FGFR1: variants seen among roughly 807,000 people sequenced by gnomAD.
FGFR1 encodes the protein fibroblast growth factor receptor 1.
Under a neutral mutation model 93.7 loss-of-function variants are expected in FGFR1, and 18 were observed. That is an observed-to-expected ratio of 0.19 (90% confidence interval 0.13 to 0.28). The LOEUF (loss-of-function observed/expected upper bound fraction) is 0.28. Among genes scored for constraint, FGFR1 ranks in the 10% least tolerant of loss-of-function variants. FGFR1 has a pLI of 1.00. For synonymous variants in FGFR1, 448 were observed against 429.3 expected (o/e 1.04, Z -0.54); for missense variants, 731 against 1,080.4 (o/e 0.68, Z 4.53).
At chr8:38,455,967 C>CAG (rs2151321098) in intron 2 of FGFR1, among the ~76,000 whole-genome samples, 1 of 152,318 alleles carries the variant, frequency 6.6e-6, no homozygotes. Context: ...CACCGTGCTC[C>CAG]AGCTCAGACC....
chr8:38,456,720 A>G (rs1193531326), intron 2 of FGFR1, among the ~76,000 whole-genome samples: 1 of 152,066 alleles, frequency 6.6e-6, no homozygotes, highest in Admixed American at 6.6e-5. Flanking sequence ...AGCAGCGTGC[A>G]CCATCACACC....
At chr8:38,445,447 C>T (rs6474354) in intron 2 of FGFR1, among the ~76,000 whole-genome samples, 34,345 of 152,054 alleles carry the variant, frequency 0.23, 4,064 homozygotes, top group African/African-American at 0.28. Flanking sequence ...TTTAAATGCA[C>T]TGGGAGTTTG....
chr8:38,458,630 C>T (rs1414707766), intron 1 of FGFR1, among the ~76,000 whole-genome samples: 8 of 152,070 alleles, frequency 5.3e-5, no homozygotes, highest in South Asian at 2.1e-4. Context: ...TGAAGAATCA[C>T]GGAACAAGCT....
intron 5 of FGFR1, among the ~76,000 whole-genome samples, chr8:38,427,016 A>G (rs1391459288): frequency 6.6e-6 from 1 of 151,814 alleles, no homozygotes; most frequent in Non-Finnish European, 1.5e-5. Flanking sequence ...CTGAGGCAGG[A>G]GAATGGCATG....
intron 2 of FGFR1, among the ~76,000 whole-genome samples, chr8:38,448,775 C>T (rs538384572): frequency 6.6e-6 from 1 of 151,898 alleles, no homozygotes; most frequent in Admixed American, 6.6e-5. Context: ...GCCAACATGG[C>T]GAAAACCTGT....
rs946369734 is a variant in FGFR1, at chr8:38,423,261, C to G, written c.936+1248G>C. The stretch of plus-strand genomic sequence containing the variant: ...TGCTCCCGTGTAACTTTCAGGCAGG[C>G]CCAGGGAGCGAAGGGAGATGTTAAG... On this transcript the variant is annotated intron_variant, in intron 7 of 17. Coordinates refer to ENST00000447712, the MANE Select transcript of FGFR1 (RefSeq NM_023110.3). 7 of 735,808 alleles carry G rather than the reference C, an allele frequency of 9.5e-6. No individual in the cohort carries two copies. In the African/African-American group the frequency reaches 1.2e-4, roughly 13 times the overall value. The allele number at this position is 735,808 out of a possible 1,614,324, so 45.6% of individuals were successfully genotyped here.
intron 2 of FGFR1, among the ~76,000 whole-genome samples, chr8:38,439,599 CCT>C (rs1444108644): frequency 2.0e-5 from 3 of 152,180 alleles, no homozygotes; most frequent in Non-Finnish European, 2.9e-5. Context: ...TGGTCTGGAG[CCT>C]CTCAACCACG....
chr8:38,449,937 T>C (rs944324093), intron 2 of FGFR1, among the ~76,000 whole-genome samples: 1 of 152,212 alleles, frequency 6.6e-6, no homozygotes, highest in Non-Finnish European at 1.5e-5. Context: ...TCAATGTCTC[T>C]TGGTGCCACA....
chr8:38,445,623 C>T (rs1322330646), intron 2 of FGFR1, among the ~76,000 whole-genome samples: 1 of 152,108 alleles, frequency 6.6e-6, no homozygotes, highest in East Asian at 1.9e-4. Context: ...ACTGCAACCT[C>T]CGCCTCCTGG....
intron 2 of FGFR1, among the ~76,000 whole-genome samples, chr8:38,442,150 G>T (rs148795575): frequency 6.6e-6 from 1 of 152,176 alleles, no homozygotes; most frequent in Non-Finnish European, 1.5e-5. Flanking sequence ...GCATCTGCAC[G>T]ATAATAGAAA....
chr8:38,447,098 A>AACACACACACACACAC (rs57917657), intron 2 of FGFR1, among the ~76,000 whole-genome samples: 1 of 133,268 alleles, frequency 7.5e-6, no homozygotes, highest in Non-Finnish European at 1.6e-5. Flanking sequence ...ACTGCAAGCA[A>AACACACACACACACAC]ACACACACAC....
At chr8:38,415,803 G>T (rs1816320183) in intron 13 of FGFR1, 67 bp downstream of exon 13, 1 of 1,493,902 alleles carries the variant, frequency 6.7e-7, no homozygotes, top group Non-Finnish European at 9.3e-7. Context: ...ATAAGTCACA[G>T]GCTGGAAGAC....
chr8:38,461,013 C>A, intron 1 of FGFR1: 1 of 1,501,632 alleles, frequency 6.7e-7, no homozygotes, highest in Non-Finnish European at 9.0e-7. Flanking sequence ...GGGATTCATG[C>A]CTGCATGCAG....
chr8:38,430,542 C>CT (rs1822613579), intron 2 of FGFR1: 1 of 153,796 alleles, frequency 6.5e-6, no homozygotes, highest in African/African-American at 2.4e-5. Context: ...GATGCACATG[C>CT]TGGGGGGGCA....
rs1181847676 is a variant in FGFR1 at position 38,429,922 on chromosome 8, C to T, written c.118G>A (p.Val40Met). 2 of 1,612,614 alleles carry T rather than the reference C, an allele frequency of 1.2e-6. No individual in the cohort carries two copies. Among genetic ancestry groups the T allele is most frequent in the Non-Finnish European group, 1.7e-6 (2 of 1,179,436 alleles). Residue 40 changes from valine to methionine, a missense_variant, in exon 3 of 18, where the codon GTG (valine) becomes ATG (methionine). By Grantham distance (21) the Val-to-Met change is conservative. Coordinates refer to ENST00000447712, the MANE Select transcript of FGFR1 (RefSeq NM_023110.3). The surrounding 1 kb of genome is among the most constrained non-coding windows in gnomAD (Gnocchi z 4.4). Reference protein sequence around the residue: ...QAQPWGAPVEVESFLVHPGDL... With the variant: ...QAQPWGAPVEMESFLVHPGDL... ...CCGGGGTGGACCAGGAAGGACTCCA[C>T]TTCCACAGGGGCTCCCCAGGGCTGG... is the stretch of plus-strand genomic sequence containing the variant.
chr8:38,434,585 T>G, intron 2 of FGFR1: 2 of 256,244 alleles, frequency 7.8e-6, no homozygotes, highest in Non-Finnish European at 1.6e-5. Context: ...GCATTCAAAC[T>G]GGTCCCTTCA....
intron 2 of FGFR1, among the ~76,000 whole-genome samples, chr8:38,452,190 CAGACACACAG>C (rs1448156712): frequency 1.9e-5 from 2 of 105,334 alleles, no homozygotes; most frequent in East Asian, 2.9e-4. Context: ...GACAGACACA[CAGACACACAG>C]ACACACACAC....
chr8:38,421,834 T>C lies in FGFR1; in HGVS notation c.1044A>G (p.Gly348=), dbSNP rs773142874. The change falls in exon 8 of 18, where the codon GGA becomes GGG. Residue 348 remains glycine, a synonymous_variant. Transcript: ENST00000447712. ...EYTCLAGNSI[G]LSHHSAWLTV... ...TCAACCATGCAGAGTGATGGGAGAGTCCGATAGAGTTACCCGCCAAGCACG... is the reference window on the plus strand; with the variant it reads ...TCAACCATGCAGAGTGATGGGAGAGCCCGATAGAGTTACCCGCCAAGCACG... 1 of 1,613,046 alleles carries C rather than the reference T, an allele frequency of 6.2e-7. No individual in the cohort carries two copies. Among genetic ancestry groups the C allele is most frequent in the South Asian group, 1.1e-5 (1 of 91,016 alleles).
rs1293984025 is a variant in FGFR1, at chr8:38,412,074, C to CT, written c.*1553dup. The CT allele has an allele frequency of 5.5e-5, 12 of 218,880 alleles. No individual in the cohort carries two copies. In the East Asian group the frequency reaches 8.1e-4, roughly 15 times the overall value. The allele number at this position is 218,880 out of a possible 1,614,324, so 13.6% of individuals were successfully genotyped here. On this transcript the variant is annotated 3_prime_UTR_variant, in exon 18 of 18. Coordinates refer to ENST00000447712, the MANE Select transcript of FGFR1 (RefSeq NM_023110.3). ...CTGCAGACCTTCATCATTTGTTTTC[C>CT]TTTTTGTTTTCTCTGTTGCCCAGGC... is the stretch of plus-strand genomic sequence containing the variant.
Sources: gnomAD v4.1 joint callset for allele counts (sites outside exome capture counted in the v4.1 genomes callset) on GRCh38, gnomAD v4.1.1 for gene constraint, Gnocchi (gnomAD v3.1) non-coding constraint, MANE v1.5 for transcripts, NCBI Gene and HGNC (gene_info 2026-07-23, HGNC 2026-07-21) for gene names.